Variants in ZNF385B observed in about 807,000 individuals in gnomAD.
ZNF385B encodes the protein zinc finger protein 385B, also known as zinc finger protein 533.
ZNF385B carries 23 observed loss-of-function variants against 39.2 expected under a neutral mutation model. That is an observed-to-expected ratio of 0.59 (90% CI 0.42 to 0.83). The LOEUF (loss-of-function observed/expected upper bound fraction) is 0.83. Ranked by LOEUF, ZNF385B falls within the 40% of genes least tolerant of loss-of-function variation. The pLI is 0.00. For missense variants in ZNF385B, 552 were observed against 598.9 expected (o/e 0.92, Z 0.82); for synonymous variants, 205 against 222.6 (o/e 0.92, Z 0.70).
chr2:179,500,802 A>T (rs1378051509), intron 5 of ZNF385B, among the ~76,000 whole-genome samples: 2 of 152,160 alleles, frequency 1.3e-5, no homozygotes, highest in Non-Finnish European at 2.9e-5. Flanking sequence ...AAGTGAAGAG[A>T]CAACCCATAG....
chr2:179,565,671 G>A (rs920699999), intron 3 of ZNF385B, among the ~76,000 whole-genome samples: 10 of 152,150 alleles, frequency 6.6e-5, no homozygotes, highest in African/African-American at 2.4e-4. Context: ...CACTTTATGC[G>A]TTCTATCACT....
chr2:179,664,963 G>GA (rs1200179277), intron 3 of ZNF385B, among the ~76,000 whole-genome samples: 1 of 152,036 alleles, frequency 6.6e-6, no homozygotes, highest in Non-Finnish European at 1.5e-5. Flanking sequence ...GTTTGACTAT[G>GA]AAAAAAATTT....
At chr2:179,619,042 A>T (rs1235539950) in intron 3 of ZNF385B, among the ~76,000 whole-genome samples, 2 of 152,054 alleles carry the variant, frequency 1.3e-5, no homozygotes, top group African/African-American at 2.4e-5. Flanking sequence ...AACATGATTT[A>T]AAAAAAAGAA....
chr2:179,472,539 T>C (rs2105527457), intron 6 of ZNF385B, among the ~76,000 whole-genome samples: 1 of 152,340 alleles, frequency 6.6e-6, no homozygotes, highest in South Asian at 2.1e-4. Flanking sequence ...TGGTAAGAAC[T>C]TCTAGTGTTT....
intron 3 of ZNF385B, among the ~76,000 whole-genome samples, chr2:179,655,589 A>G (rs1216788418): frequency 6.6e-6 from 1 of 151,968 alleles, no homozygotes. Context: ...ACAGGAAGAG[A>G]GAGAAAGAGG....
intron 3 of ZNF385B, among the ~76,000 whole-genome samples, chr2:179,703,044 T>C (rs1208168426): frequency 6.6e-6 from 1 of 152,246 alleles, no homozygotes; most frequent in African/African-American, 2.4e-5. Flanking sequence ...TTCAACACAG[T>C]AGCCAGGAAG....
At chr2:179,476,998 A>G (rs778335497) in intron 6 of ZNF385B, among the ~76,000 whole-genome samples, 1 of 152,234 alleles carries the variant, frequency 6.6e-6, no homozygotes, top group Non-Finnish European at 1.5e-5. Flanking sequence ...ATGCTGCCAA[A>G]GCAGAAAACT....
At chr2:179,766,377 C>G (rs1390431611) in intron 3 of ZNF385B, among the ~76,000 whole-genome samples, 1 of 152,100 alleles carries the variant, frequency 6.6e-6, no homozygotes, top group Non-Finnish European at 1.5e-5. Context: ...GATTTTCTTC[C>G]CTGTGTTTGT....
At chr2:179,683,968 C>T (rs1174950037) in intron 3 of ZNF385B, among the ~76,000 whole-genome samples, 3 of 152,074 alleles carry the variant, frequency 2.0e-5, no homozygotes, top group African/African-American at 7.2e-5. Flanking sequence ...CATTTTAGCA[C>T]TATTCTCATA....
chr2:179,516,319 G>A (rs756536461), intron 5 of ZNF385B, among the ~76,000 whole-genome samples: 16 of 152,024 alleles, frequency 1.1e-4, no homozygotes, highest in Non-Finnish European at 1.5e-4. Context: ...TATGGGAAAC[G>A]TATGTACAAC....
At chr2:179,786,308 G>A (rs1006985167) in intron 1 of ZNF385B, among the ~76,000 whole-genome samples, 1 of 151,880 alleles carries the variant, frequency 6.6e-6, no homozygotes, top group Non-Finnish European at 1.5e-5. Flanking sequence ...ATATATCTGA[G>A]GTATTGCTGT....
intron 3 of ZNF385B, among the ~76,000 whole-genome samples, chr2:179,737,935 G>C (rs565477233): frequency 6.6e-6 from 1 of 152,260 alleles, no homozygotes; most frequent in South Asian, 2.1e-4. Context: ...CAGAACTAAT[G>C]TAATGAACAA....
At chr2:179,720,972 T>C (rs942108459) in intron 3 of ZNF385B, among the ~76,000 whole-genome samples, 9 of 143,960 alleles carry the variant, frequency 6.3e-5, no homozygotes, top group Non-Finnish European at 9.1e-5. Context: ...TCCTGGTATG[T>C]TGCCCAAGCT....
intron 3 of ZNF385B, 109 bp from the exon 4 acceptor site, chr2:179,545,078 A>G (rs2060146690): frequency 7.2e-7 from 1 of 1,395,246 alleles, no homozygotes; most frequent in Non-Finnish European, 1.0e-6. Context: ...CAAGCAAGAG[A>G]GTTATGCTGT....
intron 6 of ZNF385B, among the ~76,000 whole-genome samples, chr2:179,475,092 C>A (rs1324132943): frequency 2.0e-5 from 3 of 152,054 alleles, no homozygotes; most frequent in Non-Finnish European, 2.9e-5. Context: ...TAGCCTTATG[C>A]GGCTACTTAG....
intron 4 of ZNF385B, among the ~76,000 whole-genome samples, chr2:179,538,918 G>A (rs1488916724): frequency 6.6e-6 from 1 of 152,192 alleles, no homozygotes; most frequent in East Asian, 1.9e-4. Flanking sequence ...AAATTGACAG[G>A]TGGCTGTGGT....
At chr2:179,503,792 A>T (rs1321350544) in intron 5 of ZNF385B, among the ~76,000 whole-genome samples, 1 of 150,234 alleles carries the variant, frequency 6.7e-6, no homozygotes, top group African/African-American at 2.4e-5. Flanking sequence ...CCATGTCCCT[A>T]CAAAGGACAT....
Position 179,442,811 on chromosome 2 carries a change from C to T in ZNF385B, c.*439G>A, listed in dbSNP as rs2049082403. On this transcript the variant is annotated 3_prime_UTR_variant, in exon 10 of 10. Coordinates refer to ENST00000410066, the MANE Select transcript of ZNF385B (RefSeq NM_152520.6). ...CTGTTTTTTGTTCCACACTAGAATA[C>T]ACCCAGTTGGATACCAGAGTTATTT... The T allele has an allele frequency of 8.1e-6, 2 of 247,696 alleles. No homozygotes were observed. The highest frequency in any genetic ancestry group is 1.6e-5 in the Non-Finnish European group (2 of 126,932). The allele number at this position is 247,696 out of a possible 1,614,324, so 15.3% of individuals were successfully genotyped here. A position where few individuals can be genotyped will look rare whatever the true frequency, so the allele number is the denominator to read the frequency against.
At chr2:179,471,411 G>T (rs1369513468) in intron 6 of ZNF385B, among the ~76,000 whole-genome samples, 3 of 152,138 alleles carry the variant, frequency 2.0e-5, no homozygotes, top group Non-Finnish European at 4.4e-5. Context: ...AGAGGCCCAT[G>T]AATTCAAGGG....
Sources: allele counts gnomAD v4.1 joint callset (sites outside exome capture counted in the v4.1 genomes callset), GRCh38; gene constraint gnomAD v4.1.1; transcripts MANE v1.5; gene names NCBI Gene and HGNC (gene_info 2026-07-23, HGNC 2026-07-21).